DYNC2H1: variants seen among roughly 807,000 people sequenced by gnomAD.
DYNC2H1 encodes dynein cytoplasmic 2 heavy chain 1, also known as cytoplasmic dynein 2 heavy chain 1.
DYNC2H1 carries 410 observed loss-of-function variants against 570.0 expected under a neutral mutation model. The observed-to-expected ratio is 0.72, with a 90% CI of 0.66 to 0.78. The LOEUF is 0.78. DYNC2H1 is among the 30% of genes least tolerant of loss of function. The pLI, the probability that DYNC2H1 is intolerant of heterozygous loss-of-function variation, is 0.00. For missense variants in DYNC2H1, 4,865 were observed against 5,046.4 expected (o/e 0.96, Z 1.09); for synonymous variants, 1,688 against 1,677.6 (o/e 1.01, Z -0.15).
chr11:103,402,469 A>G (rs1022317821), intron 84 of DYNC2H1: 1 of 152,130 alleles, frequency 6.6e-6, no homozygotes, highest in Non-Finnish European at 1.5e-5. Flanking sequence ...TAAAAGAGTC[A>G]TAGAGTTGAA....
chr11:103,137,461 C>A (rs1040130840), intron 17 of DYNC2H1, among the ~76,000 whole-genome samples: 1 of 152,030 alleles, frequency 6.6e-6, no homozygotes, highest in Non-Finnish European at 1.5e-5. Flanking sequence ...CCAGTTTTCC[C>A]AGCACCATTT....
intron 58 of DYNC2H1, 132 bp downstream of exon 58, chr11:103,222,285 A>C: frequency 1.6e-6 from 1 of 614,064 alleles, no homozygotes; most frequent in Admixed American, 3.7e-5. Flanking sequence ...GCTTATAGGA[A>C]TTACACTTGG....
At chr11:103,217,750 C>T (rs1863438990) in intron 55 of DYNC2H1, among the ~76,000 whole-genome samples, 1 of 152,134 alleles carries the variant, frequency 6.6e-6, no homozygotes, top group Admixed American at 6.5e-5. Flanking sequence ...AAAACTTCTG[C>T]TCTTTGAAAT....
chr11:103,245,508 G>T lies in DYNC2H1; in HGVS notation c.10042+134G>T. 1 of 849,644 alleles carries T rather than the reference G, an allele frequency of 1.2e-6. No individual in the cohort carries two copies. Among genetic ancestry groups the T allele is most frequent in the Non-Finnish European group, 1.8e-6 (1 of 570,298 alleles). 52.6% of individuals were successfully genotyped at this position (849,644 alleles called of 1,614,324 possible). On this transcript the variant is annotated intron_variant, in intron 65 of 88. Transcript: ENST00000375735. The surrounding 1 kb of genome is among the most constrained non-coding windows in gnomAD (Gnocchi z 4.5). ...ATGGGCTTACTTCCTTCAGCAATAT[G>T]TGTAAAGTTGTGACAATATGTGTAA...
At chr11:103,227,936 G>A (rs10160359) in intron 59 of DYNC2H1, among the ~76,000 whole-genome samples, 26,751 of 152,056 alleles carry the variant, frequency 0.18, 3,000 homozygotes, top group African/African-American at 0.32. Context: ...GTTATATAAT[G>A]TCCCTCTTTG....
At position 103,304,625 on chromosome 11, in the gene DYNC2H1, G is replaced by A. The variant is rs780426783; in HGVS notation, c.11287G>A (p.Ala3763Thr). 3.8e-5 allele frequency: 61 copies of A among 1,612,968 alleles called. No individual in the cohort carries two copies. The highest frequency in any genetic ancestry group is 1.0e-4 in the Admixed American group (6 of 59,926). The change falls in exon 77 of 89, where the codon GCA (alanine) becomes ACA (threonine). Residue 3763 changes from alanine (A) to threonine (T), a missense_variant. Ala to Thr is a moderately conservative substitution (Grantham distance 58). Transcript: ENST00000375735. ...CATGGGTCAAGGTCAAGCTGATTTA[G>A]CAATTCAAATGCTAAAAGAATGTGC... ...VAMGQGQADL[A>T]IQMLKECARN...
chr11:103,116,759 T>A, intron 5 of DYNC2H1, 45 bp downstream of exon 5: 1 of 1,535,574 alleles, frequency 6.5e-7, no homozygotes, highest in Non-Finnish European at 8.8e-7. Flanking sequence ...AAACCTGTCT[T>A]ATTTTGTTAT....
rs577276177 is a variant in DYNC2H1, at chr11:103,327,200, G to A, written c.12039+3210G>A. On this transcript the variant is annotated intron_variant, in intron 82 of 88. Transcript: ENST00000375735. ...GGTAGTGTTTTCTTCCCCAAGATCTGCCCAAATTTTGTTGGATTACTTGAT... is the reference window on the plus strand; with the variant it reads ...GGTAGTGTTTTCTTCCCCAAGATCTACCCAAATTTTGTTGGATTACTTGAT... 1.4e-4 allele frequency among the ~76,000 whole-genome samples: 22 copies of A among 151,984 alleles called. No homozygotes were observed. The South Asian group carries it at 4.6e-3, about 32-fold the overall frequency.
rs1484420726 is a variant in DYNC2H1, at chr11:103,264,437, A to G, written c.10695+4460A>G. Among the ~76,000 whole-genome samples, 2 of 152,242 alleles carry G rather than the reference A, an allele frequency of 1.3e-5. No homozygotes were observed. The highest frequency in any genetic ancestry group is 2.9e-5 in the Non-Finnish European group (2 of 68,028). On this transcript the variant is annotated intron_variant, in intron 70 of 88. Transcript: ENST00000375735. The surrounding 1 kb of genome is among the most constrained non-coding windows in gnomAD (Gnocchi z 4.8). ...TTTCAGGCCAATATCGCTGATGAAC[A>G]TTGATTAGAAAATCCTCAATAAAAT...
At chr11:103,276,762 T>C (rs1309285129) in intron 70 of DYNC2H1, among the ~76,000 whole-genome samples, 1 of 152,134 alleles carries the variant, frequency 6.6e-6, no homozygotes, top group East Asian at 1.9e-4. Context: ...CTTTTGGATA[T>C]TGTTATATAA....
chr11:103,464,134 C>A (rs1037069903), intron 87 of DYNC2H1, among the ~76,000 whole-genome samples: 1 of 152,112 alleles, frequency 6.6e-6, no homozygotes, highest in Admixed American at 6.5e-5. Flanking sequence ...ATAGAAAAAT[C>A]TGACAAAAAA....
rs1861139041 is a variant in DYNC2H1 at position 103,162,507 on chromosome 11, T to C, written c.4492-521T>C. On this transcript the variant is annotated intron_variant, in intron 29 of 88. Transcript: ENST00000375735. ...TTTTTTCACTTTGAAACAAAATTAG[T>C]TTTGTTGGATGAAGCAATCTAAGCC... Among the ~76,000 whole-genome samples, 3 of 152,176 alleles carry C rather than the reference T, an allele frequency of 2.0e-5. No individual in the cohort carries two copies. In the South Asian group the frequency reaches 6.2e-4, roughly 31 times the overall value.
rs1475637954 is a variant in DYNC2H1, at chr11:103,201,706, G to C, written c.8197+1552G>C. Among the ~76,000 whole-genome samples the C allele has an allele frequency of 6.6e-6, 1 of 152,060 alleles. No homozygotes were observed. Among genetic ancestry groups the C allele is most frequent in the Non-Finnish European group, 1.5e-5 (1 of 68,008 alleles). ...TCTCCTGCTGTCTGTGGTGTTACCTGACCTTTTTGGTGTCTTCCTGGGGAG... is the reference window on the plus strand; with the variant it reads ...TCTCCTGCTGTCTGTGGTGTTACCTCACCTTTTTGGTGTCTTCCTGGGGAG... On this transcript the variant is annotated intron_variant, in intron 50 of 88. Transcript: ENST00000375735. This position sits in a 1 kb window ranked among gnomAD's most constrained non-coding sequence, Gnocchi z 4.8.
At chr11:103,113,511 A>G (rs775585483) in intron 1 of DYNC2H1, 26 bp from the exon 2 acceptor site, 1 of 1,473,138 alleles carries the variant, frequency 6.8e-7, no homozygotes, top group Non-Finnish European at 9.0e-7. Flanking sequence ...TATGAAGATA[A>G]CATTAAAAAT....
intron 85 of DYNC2H1, among the ~76,000 whole-genome samples, chr11:103,447,712 A>T (rs12796853): frequency 0.06 from 9,133 of 152,156 alleles, 471 homozygotes; most frequent in East Asian, 0.2. Context: ...AGGCATTGGA[A>T]ATGTGTAACA....
At chr11:103,168,285 C>T (rs760136560) in intron 31 of DYNC2H1, among the ~76,000 whole-genome samples, 3 of 152,134 alleles carry the variant, frequency 2.0e-5, no homozygotes, top group Admixed American at 6.5e-5. Context: ...ACACCAGTTT[C>T]GGTTTCTGGC....
At chr11:103,251,458 AC>A (rs1232435387) in intron 65 of DYNC2H1, among the ~76,000 whole-genome samples, 9 of 152,184 alleles carry the variant, frequency 5.9e-5, no homozygotes, top group African/African-American at 2.2e-4. Flanking sequence ...ATTATGAGAT[AC>A]ATATATATCA....
At chr11:103,364,526 A>G (rs1483656828) in intron 83 of DYNC2H1, among the ~76,000 whole-genome samples, 3 of 151,944 alleles carry the variant, frequency 2.0e-5, no homozygotes, top group Non-Finnish European at 4.4e-5. Flanking sequence ...TTCTTGGTAT[A>G]ATGAATAACT....
chr11:103,181,908 A>C lies in DYNC2H1; in HGVS notation c.6477+22A>C. On this transcript the variant is annotated intron_variant, in intron 40 of 88. Transcript: ENST00000375735. This position sits in a 1 kb window ranked among gnomAD's most constrained non-coding sequence, Gnocchi z 5.0. ...GCAGGTAAATTAACCATAATATTTC[A>C]TAATTAATCGAGGTGAGAAGTATGA... 1 of 1,594,758 alleles carries C rather than the reference A, an allele frequency of 6.3e-7. No homozygotes were observed. Among genetic ancestry groups the C allele is most frequent in the Non-Finnish European group, 8.5e-7 (1 of 1,169,612 alleles).
Sources: gnomAD v4.1 joint callset for allele counts (sites outside exome capture counted in the v4.1 genomes callset) on GRCh38, gnomAD v4.1.1 for gene constraint, Gnocchi (gnomAD v3.1) non-coding constraint, MANE v1.5 for transcripts, NCBI Gene and HGNC (gene_info 2026-07-23, HGNC 2026-07-21) for gene names.